Variants in ERBB4 observed in about 807,000 individuals in gnomAD.
The protein encoded by ERBB4 is receptor tyrosine-protein kinase erbB-4.
Under a neutral mutation model 158.0 loss-of-function variants are expected in ERBB4, and 42 were observed. The observed-to-expected ratio is 0.27, with a 90% CI of 0.21 to 0.34. The LOEUF (loss-of-function observed/expected upper bound fraction) is 0.34, where lower values mean the gene tolerates loss of function less well. Among genes scored for constraint, ERBB4 ranks in the 10% least tolerant of loss-of-function variants. The pLI is 1.00. For synonymous variants in ERBB4, 583 were observed against 558.7 expected (o/e 1.04, Z -0.61); for missense variants, 1,333 against 1,624.1 (o/e 0.82, Z 3.08).
chr2:211,772,922 C>CATAT (rs2075747412), intron 4 of ERBB4, among the ~76,000 whole-genome samples: 1 of 40,094 alleles, frequency 2.5e-5, no homozygotes, highest in South Asian at 1.4e-3. Context: ...CACACACACA[C>CATAT]ACATATATAT....
chr2:212,149,615 C>T lies in ERBB4; in HGVS notation c.83-24712G>A, dbSNP rs13407093. Among the ~76,000 whole-genome samples the T allele has an allele frequency of 9.9e-3, 1,514 of 152,190 alleles. 17 individuals are homozygous for T. Among genetic ancestry groups the T allele is most frequent in the African/African-American group, 0.034 (1,430 of 41,530 alleles). On this transcript the variant is annotated intron_variant, in intron 1 of 27. Transcript: ENST00000342788. ...GGTCTTATTTTTAATGTGAAAAATG[C>T]TCTTATTTAGAAAAATAAAACATGT... is the stretch of plus-strand genomic sequence containing the variant.
intron 2 of ERBB4, among the ~76,000 whole-genome samples, chr2:211,978,152 C>T (rs2081671310): frequency 6.6e-6 from 1 of 151,734 alleles, no homozygotes; most frequent in Non-Finnish European, 1.5e-5. Context: ...ATAAATTTCC[C>T]TCACTATGAA....
At chr2:211,763,742 G>A (rs1218535424) in intron 4 of ERBB4, among the ~76,000 whole-genome samples, 1 of 151,656 alleles carries the variant, frequency 6.6e-6, no homozygotes, top group East Asian at 1.9e-4. Context: ...AAGAAAAATG[G>A]ATAACAAATT....
chr2:212,172,566 A>G (rs1243301812), intron 1 of ERBB4, among the ~76,000 whole-genome samples: 1 of 152,168 alleles, frequency 6.6e-6, no homozygotes, highest in Non-Finnish European at 1.5e-5. Flanking sequence ...ATACATTTGT[A>G]TATGTGTATA....
chr2:211,811,374 G>A (rs1251597431), intron 3 of ERBB4, among the ~76,000 whole-genome samples: 5 of 152,082 alleles, frequency 3.3e-5, no homozygotes, highest in Non-Finnish European at 5.9e-5. Flanking sequence ...AGTTTCTCCC[G>A]AGAGATCCGC....
chr2:211,761,508 G>T (rs900602057), intron 4 of ERBB4, among the ~76,000 whole-genome samples: 2 of 151,900 alleles, frequency 1.3e-5, no homozygotes, highest in Non-Finnish European at 2.9e-5. Flanking sequence ...CCAGAGAATT[G>T]TCCCTCTGTG....
At chr2:211,456,721 G>A (rs1426584040) in intron 20 of ERBB4, among the ~76,000 whole-genome samples, 1 of 152,080 alleles carries the variant, frequency 6.6e-6, no homozygotes. Flanking sequence ...GGAAAAAACT[G>A]TCCCAACTCA....
chr2:212,105,229 T>C (rs2079190198), intron 2 of ERBB4, among the ~76,000 whole-genome samples: 1 of 152,224 alleles, frequency 6.6e-6, no homozygotes, highest in African/African-American at 2.4e-5. Context: ...TGTCAGATCA[T>C]GAATTTTAAG....
chr2:212,391,413 G>A (rs2090850390), intron 1 of ERBB4, among the ~76,000 whole-genome samples: 2 of 150,906 alleles, frequency 1.3e-5, no homozygotes, highest in Non-Finnish European at 3.0e-5. Context: ...TAATATATTT[G>A]CTTAATGAGC....
At chr2:212,139,878 G>A (rs4673651) in intron 1 of ERBB4, among the ~76,000 whole-genome samples, 122,373 of 151,766 alleles carry the variant, frequency 0.81, 50,591 homozygotes, top group African/African-American at 0.89. Flanking sequence ...CTCATTTTCA[G>A]TTCCTGACAC....
At chr2:212,488,781 T>A (rs369897636) in intron 1 of ERBB4, among the ~76,000 whole-genome samples, 1 of 151,658 alleles carries the variant, frequency 6.6e-6, no homozygotes, top group African/African-American at 2.4e-5. Flanking sequence ...ACCGATGACC[T>A]CATGAACAGC....
chr2:212,160,584 C>T lies in ERBB4; in HGVS notation c.83-35681G>A, dbSNP rs138907562. On this transcript the variant is annotated intron_variant, in intron 1 of 27. Coordinates refer to ENST00000342788, the MANE Select transcript of ERBB4 (RefSeq NM_005235.3). Reference sequence around the variant, plus strand: ...TGTCTCTATGCCCACATTTTTATGACGCAGTCATGGTGTGGTTACAGTTTA... The same window carrying T: ...TGTCTCTATGCCCACATTTTTATGATGCAGTCATGGTGTGGTTACAGTTTA... 9.9e-5 allele frequency among the ~76,000 whole-genome samples: 15 copies of T among 152,060 alleles called. No individual in the cohort carries two copies. In the East Asian group the frequency reaches 1.6e-3, roughly 16 times the overall value.
At chr2:212,049,697 A>G (rs1377476055) in intron 2 of ERBB4, among the ~76,000 whole-genome samples, 3 of 152,208 alleles carry the variant, frequency 2.0e-5, no homozygotes, top group Non-Finnish European at 2.9e-5. Flanking sequence ...TTTAAAAATT[A>G]TGATTGCCTG....
chr2:211,773,624 A>ATAT (rs1553630432), intron 4 of ERBB4, among the ~76,000 whole-genome samples: 2 of 73,978 alleles, frequency 2.7e-5, no homozygotes, highest in Non-Finnish European at 5.5e-5. Flanking sequence ...ATATATATAT[A>ATAT]TATATATATA....
chr2:211,836,253 C>T (rs1247029371), intron 3 of ERBB4, among the ~76,000 whole-genome samples: 3 of 152,008 alleles, frequency 2.0e-5, no homozygotes, highest in African/African-American at 7.2e-5. Context: ...TCTCAATATA[C>T]AGTTTTACTC....
intron 1 of ERBB4, among the ~76,000 whole-genome samples, chr2:212,332,489 A>G (rs2088224932): frequency 6.6e-6 from 1 of 152,094 alleles, no homozygotes; most frequent in Non-Finnish European, 1.5e-5. Context: ...TAATCATGCC[A>G]CTACTCTGCC....
chr2:211,482,132 G>A (rs2065097946), intron 20 of ERBB4, among the ~76,000 whole-genome samples: 1 of 152,196 alleles, frequency 6.6e-6, no homozygotes, highest in African/African-American at 2.4e-5. Context: ...ATAGGGAACT[G>A]TATAAGGATA....
chr2:212,119,110 C>T (rs553148331), intron 2 of ERBB4, among the ~76,000 whole-genome samples: 16 of 152,060 alleles, frequency 1.1e-4, no homozygotes, highest in African/African-American at 3.6e-4. Flanking sequence ...ATTCCACATC[C>T]ATGCATCAAC....
intron 19 of ERBB4, among the ~76,000 whole-genome samples, chr2:211,570,906 G>A (rs1224981907): frequency 6.6e-6 from 1 of 151,918 alleles, no homozygotes; most frequent in Non-Finnish European, 1.5e-5. Flanking sequence ...AAGTCAACAT[G>A]TTTCTCATCT....
Sources: allele counts gnomAD v4.1 joint callset (sites outside exome capture counted in the v4.1 genomes callset), GRCh38; gene constraint gnomAD v4.1.1; transcripts MANE v1.5; gene names NCBI Gene and HGNC (gene_info 2026-07-23, HGNC 2026-07-21).